Variants in PCDHGA5 observed in about 807,000 individuals in gnomAD.
The protein encoded by PCDHGA5 is protocadherin gamma subfamily A, 5.
PCDHGA5 carries 36 observed loss-of-function variants against 56.7 expected under a neutral mutation model. The ratio of observed to expected loss-of-function variants is 0.64; its 90% CI spans 0.49 to 0.84. The LOEUF is 0.84. PCDHGA5 is among the 40% of genes least tolerant of loss of function. The pLI is 0.00. For synonymous variants in PCDHGA5, 563 were observed against 520.2 expected (o/e 1.08, Z -1.12); for missense variants, 1,305 against 1,201.5 (o/e 1.09, Z -1.27).
At chr5:141,382,813 T>A in intron 1 of PCDHGA5, 1 of 1,218,620 alleles carries the variant, frequency 8.2e-7, no homozygotes, top group East Asian at 2.4e-5. Flanking sequence ...GAGCTCCCCT[T>A]CCTAAGACAG....
chr5:141,378,017 A>G (rs1371705744), intron 1 of PCDHGA5: 1 of 152,202 alleles, frequency 6.6e-6, no homozygotes, highest in South Asian at 2.1e-4. Flanking sequence ...AGCTCTACTT[A>G]TATTATTTTT....
intron 1 of PCDHGA5, chr5:141,414,109 G>A: frequency 6.3e-7 from 1 of 1,592,288 alleles, no homozygotes; most frequent in Non-Finnish European, 8.6e-7. Context: ...AGAAAATCTA[G>A]ATTATGAAGA....
At chr5:141,399,189 A>G (rs1015744299) in intron 1 of PCDHGA5, 11 of 1,613,970 alleles carry the variant, frequency 6.8e-6, no homozygotes, top group African/African-American at 1.3e-5. Context: ...TGATTCTGGA[A>G]AACGCGGTGC....
intron 1 of PCDHGA5, chr5:141,492,069 C>A (rs1595083522): frequency 2.1e-6 from 1 of 475,880 alleles, no homozygotes; most frequent in East Asian, 3.3e-5. Context: ...GCCTCCTAGG[C>A]GCCGGCTCCG....
chr5:141,375,812 C>G, intron 1 of PCDHGA5: 1 of 1,614,208 alleles, frequency 6.2e-7, no homozygotes, highest in Non-Finnish European at 8.5e-7. Flanking sequence ...TGGCGTGGAG[C>G]TGGCGCCCCG....
intron 1 of PCDHGA5, chr5:141,393,064 T>C: frequency 6.2e-7 from 1 of 1,613,630 alleles, no homozygotes. Flanking sequence ...AGCGGCAGCT[T>C]GATCACCGCG....
In PCDHGA5 at chr5:141,486,661, G is replaced by T. The variant is rs373446844; in HGVS notation, c.2422-8146G>T. ...CGCTTATCTCCTACTCACTCCTGGA[G>T]CCCAGGAATCGAGATGTATCAGCTT... is the stretch of plus-strand genomic sequence containing the variant. On this transcript the variant is annotated intron_variant, in intron 1 of 3. Transcript: ENST00000518069. The surrounding 1 kb of genome is among the most constrained non-coding windows in gnomAD (Gnocchi z 5.0). 6.2e-6 allele frequency: 10 copies of T among 1,613,836 alleles called. No individual in the cohort carries two copies. Among genetic ancestry groups the T allele is most frequent in the African/African-American group, 4.0e-5 (3 of 74,918 alleles).
In PCDHGA5 at chr5:141,487,161, T is replaced by C; in HGVS notation, c.2422-7646T>C. Reference sequence around the variant, plus strand: ...CTCTCTACCTCTGTTACTCTCTTAGTGTCCTTAGAGGAAGACACTCATCCA... The same window carrying C: ...CTCTCTACCTCTGTTACTCTCTTAGCGTCCTTAGAGGAAGACACTCATCCA... On this transcript the variant is annotated intron_variant, in intron 1 of 3. Coordinates refer to ENST00000518069, the MANE Select transcript of PCDHGA5 (RefSeq NM_018918.3). This position sits in a 1 kb window ranked among gnomAD's most constrained non-coding sequence, Gnocchi z 5.0. 6.2e-7 allele frequency: 1 copy of C among 1,613,528 alleles called. No homozygotes were observed.
At position 141,476,356 on chromosome 5, in the gene PCDHGA5, C is replaced by T. The variant is rs757679991; in HGVS notation, c.2422-18451C>T. The stretch of plus-strand genomic sequence containing the variant: ...CTAGCCGAAGATTCTTTGAGGTGAA[C>T]CGGGAGACCGGAGAGATGTTTGTGA... On this transcript the variant is annotated intron_variant, in intron 1 of 3. Coordinates refer to ENST00000518069, the MANE Select transcript of PCDHGA5 (RefSeq NM_018918.3). This position sits in a 1 kb window ranked among gnomAD's most constrained non-coding sequence, Gnocchi z 7.6. 6 of 1,613,958 alleles carry T rather than the reference C, an allele frequency of 3.7e-6. No individual in the cohort carries two copies. The African/African-American group carries it at 4.0e-5, about 11-fold the overall frequency.
intron 3 of PCDHGA5, among the ~76,000 whole-genome samples, chr5:141,510,034 T>A (rs2099879281): frequency 6.6e-6 from 1 of 152,156 alleles, no homozygotes; most frequent in Non-Finnish European, 1.5e-5. Flanking sequence ...TGGGCTGTTA[T>A]GTAGAGGTTA....
chr5:141,374,721 C>T, intron 1 of PCDHGA5: 1 of 1,610,366 alleles, frequency 6.2e-7, no homozygotes, highest in Non-Finnish European at 8.5e-7. Context: ...CTGGTCCTTA[C>T]TGCCATGGAT....
chr5:141,422,691 C>A, intron 1 of PCDHGA5: 1 of 1,603,878 alleles, frequency 6.2e-7, no homozygotes, highest in Non-Finnish European at 8.5e-7. Flanking sequence ...ATGCCCTGGT[C>A]ACTTACTCTC....
chr5:141,431,642 G>A lies in PCDHGA5; in HGVS notation c.2422-63165G>A, dbSNP rs762914489. The A allele has an allele frequency of 6.2e-7, 1 of 1,614,272 alleles. No homozygotes were observed. The highest frequency in any genetic ancestry group is 1.1e-5 in the South Asian group (1 of 91,090). On this transcript the variant is annotated intron_variant, in intron 1 of 3. Transcript: ENST00000518069. This position sits in a 1 kb window ranked among gnomAD's most constrained non-coding sequence, Gnocchi z 4.8. ...CAAGGCGGCCCAAGTTTTCAAACTA[G>A]ATTGTAATTCAGGGACAATATCAAC... is the stretch of plus-strand genomic sequence containing the variant.
intron 1 of PCDHGA5, chr5:141,398,353 A>G: frequency 2.9e-6 from 4 of 1,397,978 alleles, no homozygotes; most frequent in Non-Finnish European, 4.0e-6. Flanking sequence ...GCCTTACTTC[A>G]CCGTGAGCGC....
chr5:141,391,523 A>T (rs2092383458), intron 1 of PCDHGA5: 1 of 152,140 alleles, frequency 6.6e-6, no homozygotes, highest in Non-Finnish European at 1.5e-5. Context: ...CACTAATTTA[A>T]CTGGTATGGT....
chr5:141,431,228 G>C lies in PCDHGA5; in HGVS notation c.2422-63579G>C, dbSNP rs772199359. The stretch of plus-strand genomic sequence containing the variant: ...TGAGATGCGGTTCCCTCTACCCCAC[G>C]CCTGGGATCCGGATATCGGGAAGAA... On this transcript the variant is annotated intron_variant, in intron 1 of 3. Coordinates refer to ENST00000518069, the MANE Select transcript of PCDHGA5 (RefSeq NM_018918.3). The surrounding 1 kb of genome is among the most constrained non-coding windows in gnomAD (Gnocchi z 4.8). The C allele has an allele frequency of 1.9e-6, 3 of 1,614,000 alleles. No individual in the cohort carries two copies. The African/African-American group carries it at 4.0e-5, about 22-fold the overall frequency.
chr5:141,370,291 A>C (rs1766798910), intron 1 of PCDHGA5: 8 of 1,049,850 alleles, frequency 7.6e-6, no homozygotes, highest in Admixed American at 2.8e-5. Flanking sequence ...AGAGAACCCA[A>C]GCACAAAGAC....
intron 1 of PCDHGA5, chr5:141,408,444 G>A (rs2095109468): frequency 6.2e-6 from 10 of 1,613,960 alleles, no homozygotes; most frequent in Non-Finnish European, 7.6e-6. Context: ...GACGCGGAGA[G>A]CGGGGACTTA....
At position 141,477,961 on chromosome 5, in the gene PCDHGA5, C is replaced by T. The variant is rs199947431; in HGVS notation, c.2422-16846C>T. 21 of 1,614,048 alleles carry T rather than the reference C, an allele frequency of 1.3e-5. No homozygotes were observed. The Admixed American group carries it at 1.5e-4, about 12-fold the overall frequency. On this transcript the variant is annotated intron_variant, in intron 1 of 3. Coordinates refer to ENST00000518069, the MANE Select transcript of PCDHGA5 (RefSeq NM_018918.3). The surrounding 1 kb of genome is among the most constrained non-coding windows in gnomAD (Gnocchi z 4.9). Reference sequence around the variant, plus strand: ...CCTACAGTCTCTTGGGATCCCCTAACCAGAGCCTTTTTGCCATAGGGCTGC... The same window carrying T: ...CCTACAGTCTCTTGGGATCCCCTAATCAGAGCCTTTTTGCCATAGGGCTGC...
Sources: allele counts gnomAD v4.1 joint callset (sites outside exome capture counted in the v4.1 genomes callset), GRCh38; gene constraint gnomAD v4.1.1; non-coding constraint Gnocchi (gnomAD v3.1); transcripts MANE v1.5; gene names NCBI Gene and HGNC (gene_info 2026-07-23, HGNC 2026-07-21).